The following FOXP1 variants were observed in gnomAD, a reference collection of about 807,000 sequenced individuals.
FOXP1 encodes forkhead box P1.
Under a neutral mutation model 98.2 loss-of-function variants are expected in FOXP1, and 15 were observed. That is an observed-to-expected ratio of 0.15 (90% CI 0.10 to 0.24). The LOEUF (loss-of-function observed/expected upper bound fraction) is 0.24. Ranked by LOEUF, FOXP1 falls within the 10% of genes least tolerant of loss-of-function variation. FOXP1 has a pLI of 1.00. For missense variants in FOXP1, 633 were observed against 848.5 expected, an observed-to-expected ratio of 0.75 and a Z score of 3.15; for synonymous variants, 371 against 314.5, an observed-to-expected ratio of 1.18 and a Z score of -1.90.
chr3:71,090,093 A>C (rs2055628925), intron 7 of FOXP1, among the ~76,000 whole-genome samples: 1 of 152,204 alleles, frequency 6.6e-6, no homozygotes, highest in African/African-American at 2.4e-5. Context: ...AAAAGGTTAA[A>C]TGTTGTGTGC....
At chr3:71,264,542 C>T (rs1253894917) in intron 5 of FOXP1, among the ~76,000 whole-genome samples, 3 of 152,156 alleles carry the variant, frequency 2.0e-5, no homozygotes, top group Non-Finnish European at 4.4e-5. Flanking sequence ...CTTCAGAAAA[C>T]ATTGCCACTT....
intron 6 of FOXP1, among the ~76,000 whole-genome samples, chr3:71,143,749 C>A (rs188578085): frequency 1.3e-5 from 2 of 152,180 alleles, no homozygotes; most frequent in Admixed American, 1.3e-4. Context: ...AAATAAAATG[C>A]ATAAAGTACA....
chr3:71,081,800 A>AT (rs113601549), intron 7 of FOXP1, among the ~76,000 whole-genome samples: 1 of 152,218 alleles, frequency 6.6e-6, no homozygotes, highest in Non-Finnish European at 1.5e-5. Context: ...ATGTAGCTAG[A>AT]TTTTGTCATT....
chr3:71,413,138 A>G (rs1005314514), intron 3 of FOXP1, among the ~76,000 whole-genome samples: 20 of 137,184 alleles, frequency 1.5e-4, no homozygotes, highest in Non-Finnish European at 2.4e-4. Flanking sequence ...ACGCACCCCC[A>G]AACAGCCACA....
At chr3:71,321,397 A>G (rs1376086925) in intron 4 of FOXP1, among the ~76,000 whole-genome samples, 6 of 152,196 alleles carry the variant, frequency 3.9e-5, no homozygotes, top group Non-Finnish European at 8.8e-5. Context: ...AGCCAGCCAT[A>G]GCCCCAGACT....
At chr3:71,468,188 G>GA (rs949194081) in intron 3 of FOXP1, among the ~76,000 whole-genome samples, 1 of 151,252 alleles carries the variant, frequency 6.6e-6, no homozygotes, top group Non-Finnish European at 1.5e-5. Context: ...CCAAACATTT[G>GA]AAAAAATGAA....
intron 2 of FOXP1, among the ~76,000 whole-genome samples, chr3:71,541,679 A>G (rs2044832085): frequency 6.6e-6 from 1 of 152,150 alleles, no homozygotes; most frequent in African/African-American, 2.4e-5. Flanking sequence ...ATTTACTCCG[A>G]GAGCATTAAA....
intron 3 of FOXP1, among the ~76,000 whole-genome samples, chr3:71,367,697 A>T (rs1244388828): frequency 6.6e-6 from 1 of 152,198 alleles, no homozygotes; most frequent in Non-Finnish European, 1.5e-5. Flanking sequence ...TATATCATGG[A>T]TCATTTTTCA....
intron 7 of FOXP1, among the ~76,000 whole-genome samples, chr3:71,063,505 T>C (rs1160410642): frequency 6.6e-6 from 1 of 152,220 alleles, no homozygotes; most frequent in Admixed American, 6.5e-5. Flanking sequence ...CTTGGAAAAC[T>C]CGTTATATAA....
chr3:71,260,315 C>CGCGGG (rs1175329178), intron 5 of FOXP1, among the ~76,000 whole-genome samples: 1 of 151,994 alleles, frequency 6.6e-6, no homozygotes, highest in Non-Finnish European at 1.5e-5. Flanking sequence ...AGGCTCGGGG[C>CGCGGG]GCGGGGGGAG....
At chr3:71,017,407 T>C (rs1452087470) in intron 11 of FOXP1, among the ~76,000 whole-genome samples, 1 of 152,028 alleles carries the variant, frequency 6.6e-6, no homozygotes, top group East Asian at 1.9e-4. Flanking sequence ...ATATTCCAAC[T>C]TTAATAATTA....
chr3:71,055,196 C>T (rs2050455710), intron 7 of FOXP1, among the ~76,000 whole-genome samples: 1 of 152,194 alleles, frequency 6.6e-6, no homozygotes, highest in Admixed American at 6.5e-5. Context: ...GTCCCGATTT[C>T]TCAGCATCAC....
intron 6 of FOXP1, among the ~76,000 whole-genome samples, chr3:71,152,783 C>T (rs1439470229): frequency 6.6e-6 from 1 of 152,210 alleles, no homozygotes; most frequent in East Asian, 1.9e-4. Flanking sequence ...GCCTGGCACA[C>T]AACTCACAGT....
At chr3:71,260,065 G>C (rs1278288282) in intron 5 of FOXP1, among the ~76,000 whole-genome samples, 2 of 152,032 alleles carry the variant, frequency 1.3e-5, no homozygotes, top group Non-Finnish European at 2.9e-5. Context: ...CTCACTGCAA[G>C]CTCCGCCTCC....
At chr3:71,129,960 A>T (rs1312440464) in intron 6 of FOXP1, among the ~76,000 whole-genome samples, 1 of 152,190 alleles carries the variant, frequency 6.6e-6, no homozygotes, top group Non-Finnish European at 1.5e-5. Flanking sequence ...AGGAATATGA[A>T]TGAGATAATG....
intron 3 of FOXP1, among the ~76,000 whole-genome samples, chr3:71,423,790 C>T (rs761834836): frequency 1.3e-5 from 2 of 152,310 alleles, no homozygotes; most frequent in East Asian, 3.9e-4. Context: ...GCTCCCCCGC[C>T]GCCCCGCCCA....
At chr3:71,399,322 TA>T (rs1179482912) in intron 3 of FOXP1, among the ~76,000 whole-genome samples, 1 of 152,136 alleles carries the variant, frequency 6.6e-6, no homozygotes, top group Non-Finnish European at 1.5e-5. Context: ...ATACATTCTC[TA>T]AAGCTCCCAA....
intron 4 of FOXP1, among the ~76,000 whole-genome samples, chr3:71,327,318 G>GCAGGCTTCTTGGCTGCAACAGAAACGTC (rs368201258): frequency 6.9e-6 from 1 of 145,542 alleles, no homozygotes; most frequent in African/African-American, 2.5e-5. Flanking sequence ...ACTCAATGAA[G>GCAGGCTTCTTGGCTGCAACAGAAACGTC]AGATTATTGT....
chr3:70,956,784 G>A lies in FOXP1; in HGVS notation c.*2463C>T, dbSNP rs1462442253. ...TTTTTTTTTTTTTTTAAAGTCTTGC[G>A]TGACCACAGACTGCCCTTTATACAG... On this transcript the variant is annotated 3_prime_UTR_variant, in exon 21 of 21. Transcript: ENST00000649528. 9.1e-5 allele frequency: 12 copies of A among 132,548 alleles called. No homozygotes were observed. The highest frequency in any genetic ancestry group is 1.4e-4 in the Non-Finnish European group (10 of 73,860). The allele number at this position is 132,548 out of a possible 1,614,324, so 8.2% of individuals were successfully genotyped here.
Sources: gnomAD v4.1 joint callset for allele counts (sites outside exome capture counted in the v4.1 genomes callset) on GRCh38, gnomAD v4.1.1 for gene constraint, MANE v1.5 for transcripts, NCBI Gene and HGNC (gene_info 2026-07-23, HGNC 2026-07-21) for gene names.